RPTOR: variants seen among roughly 807,000 people sequenced by gnomAD.
RPTOR encodes regulatory-associated protein of mTOR.
In RPTOR, 21 loss-of-function variants were observed where a neutral mutation model predicts 169.9. The observed-to-expected ratio is 0.12, with a 90% CI of 0.09 to 0.18. RPTOR has a LOEUF of 0.18. Among genes scored for constraint, RPTOR ranks in the 10% least tolerant of loss-of-function variants. RPTOR has a pLI of 1.00. For synonymous variants in RPTOR, 732 were observed against 753.2 expected (o/e 0.97, Z 0.46); for missense variants, 1,133 against 1,855.9 (o/e 0.61, Z 7.16).
rs113210603 is a variant in RPTOR at position 80,682,630 on chromosome 17, C to T, written c.349-25211C>T. ...GGAAGAGGCCGGAATGGATTTGCCC[C>T]AGGGCCTCCAGAGGGAGCGTGGCCC... On this transcript the variant is annotated intron_variant, in intron 3 of 33. Transcript: ENST00000306801. 6.6e-3 allele frequency among the ~76,000 whole-genome samples: 1,001 copies of T among 152,350 alleles called. 10 individuals are homozygous for T. Among genetic ancestry groups the T allele is most frequent in the African/African-American group, 0.023 (967 of 41,568 alleles).
rs1039300574 is a variant in RPTOR, at chr17:80,962,533, G to T, written c.3765G>T (p.Gly1255=). The T allele has an allele frequency of 2.5e-6, 4 of 1,613,832 alleles. No homozygotes were observed. Among genetic ancestry groups the T allele is most frequent in the Admixed American group, 3.3e-5 (2 of 60,018 alleles). Residue 1255 remains glycine, a synonymous_variant, in exon 32 of 34, where the codon GGG becomes GGT. Transcript: ENST00000306801. ...TAAATGTGCTTCAGATCGTGAAGGG[G>T]CTGACGGCCCTGGACATCCACCCCC... ...ESVNVLQIVK[G]LTALDIHPQA...
intron 21 of RPTOR, 82 bp from the exon 22 acceptor site, chr17:80,922,642 C>CA (rs2068758981): frequency 1.1e-5 from 13 of 1,152,514 alleles, no homozygotes; most frequent in Non-Finnish European, 1.6e-5. Context: ...TGAAGCGGCT[C>CA]CACGCCAGCC....
At chr17:80,825,287 C>T (rs1345196794) in intron 9 of RPTOR, among the ~76,000 whole-genome samples, 1 of 151,754 alleles carries the variant, frequency 6.6e-6, no homozygotes, top group Non-Finnish European at 1.5e-5. Context: ...TCCCACCTCT[C>T]CCTCCAGAGG....
chr17:80,804,765 C>T (rs2067200917), intron 7 of RPTOR: 1 of 152,264 alleles, frequency 6.6e-6, no homozygotes, highest in Admixed American at 6.5e-5. Context: ...TGTGGAAGGA[C>T]GTCCATCCCT....
At chr17:80,859,702 G>A (rs1227209797) in intron 13 of RPTOR, among the ~76,000 whole-genome samples, 3 of 152,220 alleles carry the variant, frequency 2.0e-5, no homozygotes, top group Non-Finnish European at 2.9e-5. Context: ...CCGGACTTCG[G>A]CCAGCTGCTG....
At chr17:80,716,831 T>C (rs1394985632) in intron 4 of RPTOR, among the ~76,000 whole-genome samples, 1 of 152,224 alleles carries the variant, frequency 6.6e-6, no homozygotes, top group Non-Finnish European at 1.5e-5. Context: ...AGGGTGTCTT[T>C]TCCCCACTTT....
At chr17:80,894,203 G>A (rs1026774852) in intron 20 of RPTOR, among the ~76,000 whole-genome samples, 1 of 152,186 alleles carries the variant, frequency 6.6e-6, no homozygotes, top group African/African-American at 2.4e-5. Context: ...TGGTGATGCA[G>A]AACGGTGGTT....
chr17:80,869,076 T>G (rs2068023916), intron 13 of RPTOR, among the ~76,000 whole-genome samples: 1 of 152,220 alleles, frequency 6.6e-6, no homozygotes, highest in African/African-American at 2.4e-5. Flanking sequence ...TATATGTCGC[T>G]TATACATCAA....
At chr17:80,816,382 C>T (rs1567927629) in intron 7 of RPTOR, among the ~76,000 whole-genome samples, 2 of 152,172 alleles carry the variant, frequency 1.3e-5, no homozygotes, top group Admixed American at 6.5e-5. Flanking sequence ...TTTCGAGCCT[C>T]AGTGAAACGC....
rs1035862144 is a variant in RPTOR, at chr17:80,929,399, C to T, written c.2919+3919C>T. ...GGACTGTTCTTTTTTTCATCATTTA[C>T]TTCTGGATGATTTGAATTTTTTAGA... On this transcript the variant is annotated intron_variant, in intron 24 of 33. Coordinates refer to ENST00000306801, the MANE Select transcript of RPTOR (RefSeq NM_020761.3). Among the ~76,000 whole-genome samples the T allele has an allele frequency of 3.9e-5, 6 of 152,202 alleles. No individual in the cohort carries two copies. The South Asian group carries it at 6.2e-4, about 16-fold the overall frequency.
At chr17:80,817,337 C>A (rs1432759349) in intron 7 of RPTOR, among the ~76,000 whole-genome samples, 2 of 152,116 alleles carry the variant, frequency 1.3e-5, no homozygotes, top group Non-Finnish European at 2.9e-5. Context: ...ATCCTGATGA[C>A]CTCACAGCCC....
In RPTOR at chr17:80,925,830, G is replaced by A. The variant is rs373727337; in HGVS notation, c.2919+350G>A. ...CTCCGAGGTCTGGGGACTGTTAGAC[G>A]CAGCCTGCTGCAGCCAATCCTAGCG... On this transcript the variant is annotated intron_variant, in intron 24 of 33. Coordinates refer to ENST00000306801, the MANE Select transcript of RPTOR (RefSeq NM_020761.3). 1.1e-4 allele frequency among the ~76,000 whole-genome samples: 17 copies of A among 152,332 alleles called. No individual in the cohort carries two copies. In the East Asian group the frequency reaches 2.3e-3, roughly 21 times the overall value.
chr17:80,683,924 C>T (rs139864673), intron 3 of RPTOR, among the ~76,000 whole-genome samples: 1 of 152,322 alleles, frequency 6.6e-6, no homozygotes, highest in African/African-American at 2.4e-5. Flanking sequence ...ACTTAGAAGC[C>T]AAGATGTCGG....
intron 5 of RPTOR, among the ~76,000 whole-genome samples, chr17:80,747,088 T>C (rs1234152144): frequency 6.6e-6 from 1 of 152,080 alleles, no homozygotes; most frequent in Non-Finnish European, 1.5e-5. Flanking sequence ...GTGGTGGCAC[T>C]CGCCTGTGAT....
At chr17:80,653,162 G>C (rs192404399) in intron 3 of RPTOR, among the ~76,000 whole-genome samples, 385 of 152,298 alleles carry the variant, frequency 2.5e-3, no homozygotes, top group Non-Finnish European at 3.9e-3. Flanking sequence ...GTGAGGACTT[G>C]TTTCCTTTCC....
At chr17:80,897,294 A>G (rs1373847571) in intron 20 of RPTOR, among the ~76,000 whole-genome samples, 1 of 151,504 alleles carries the variant, frequency 6.6e-6, no homozygotes, top group Admixed American at 6.6e-5. Context: ...TTCTCTCTTG[A>G]GAGTAAACGA....
intron 3 of RPTOR, among the ~76,000 whole-genome samples, chr17:80,687,457 C>A (rs1415270045): frequency 6.6e-6 from 1 of 152,340 alleles, no homozygotes; most frequent in East Asian, 1.9e-4. Flanking sequence ...TCTGCCCACA[C>A]TGTATCTATC....
intron 3 of RPTOR, among the ~76,000 whole-genome samples, chr17:80,669,074 T>C (rs2065802556): frequency 6.6e-6 from 1 of 152,234 alleles, no homozygotes; most frequent in Admixed American, 6.5e-5. Context: ...GAGGCCAGGC[T>C]ACCCTAAGTG....
intron 3 of RPTOR, among the ~76,000 whole-genome samples, chr17:80,701,489 G>A (rs2066100470): frequency 6.6e-6 from 1 of 152,170 alleles, no homozygotes; most frequent in Non-Finnish European, 1.5e-5. Context: ...CAGGGAAGAA[G>A]GTCAGGTCCG....
Sources: allele counts gnomAD v4.1 joint callset (sites outside exome capture counted in the v4.1 genomes callset), GRCh38; gene constraint gnomAD v4.1.1; transcripts MANE v1.5; gene names NCBI Gene and HGNC (gene_info 2026-07-23, HGNC 2026-07-21).